Variants in AGBL1 observed in about 807,000 individuals in gnomAD.
The protein encoded by AGBL1 is cytosolic carboxypeptidase 4.
A neutral mutation model predicts 118.9 loss-of-function variants in AGBL1; 130 were observed. The observed-to-expected ratio is 1.09, with a 90% CI of 0.95 to 1.26. The LOEUF is 1.26. Among genes scored for constraint, AGBL1 ranks in the 50% most tolerant of loss-of-function variants. AGBL1 has a pLI of 0.00. For missense variants in AGBL1, 1,584 were observed against 1,298.1 expected (o/e 1.22, Z -3.38); for synonymous variants, 555 against 478.9 (o/e 1.16, Z -2.08).
intron 22 of AGBL1, among the ~76,000 whole-genome samples, chr15:86,829,935 A>C (rs2079080581): frequency 6.6e-6 from 1 of 152,094 alleles, no homozygotes; most frequent in East Asian, 1.9e-4. Context: ...CTTTTATTGC[A>C]ATAGCCAAGA....
chr15:86,375,258 A>G (rs1477723962), intron 17 of AGBL1, among the ~76,000 whole-genome samples: 1 of 152,200 alleles, frequency 6.6e-6, no homozygotes, highest in Non-Finnish European at 1.5e-5. Context: ...GCAAGGCCTC[A>G]GGACACTTAC....
chr15:86,290,439 C>T (rs1597687994), intron 16 of AGBL1, among the ~76,000 whole-genome samples: 1 of 151,020 alleles, frequency 6.6e-6, no homozygotes, highest in East Asian at 2.0e-4. Flanking sequence ...CAGCCTTGAC[C>T]TCCCAGGCTC....
At chr15:86,425,409 G>A (rs971012881) in intron 18 of AGBL1, among the ~76,000 whole-genome samples, 1 of 152,090 alleles carries the variant, frequency 6.6e-6, no homozygotes, top group Non-Finnish European at 1.5e-5. Flanking sequence ...GGCTAGGGGA[G>A]GGATAGCATT....
intron 22 of AGBL1, among the ~76,000 whole-genome samples, chr15:86,717,712 C>T (rs1162381802): frequency 6.6e-6 from 1 of 151,884 alleles, no homozygotes; most frequent in Non-Finnish European, 1.5e-5. Context: ...GTTTTTTGCC[C>T]CATTGATACC....
rs143889803 is a variant in AGBL1 at position 86,209,295 on chromosome 15, G to T, written c.489-15619G>T. On this transcript the variant is annotated intron_variant, in intron 5 of 22. Coordinates refer to ENST00000614907, the MANE Select transcript of AGBL1 (RefSeq NM_001386094.1). ...TGCTGAGAAAAATGTATATTTTGTT[G>T]ACTTGGGGTGGAGAGTTCTGTAGAT... Among the ~76,000 whole-genome samples, 725 of 152,278 alleles carry T rather than the reference G, an allele frequency of 4.8e-3. 6 individuals are homozygous for T. Among genetic ancestry groups the T allele is most frequent in the Admixed American group, 0.011 (162 of 15,296 alleles).
Position 86,611,879 on chromosome 15 carries a change from A to T in AGBL1, c.2994+57342A>T, listed in dbSNP as rs188331220. The stretch of plus-strand genomic sequence containing the variant: ...CAACAGAACCACAAGACTGCCAAGA[A>T]AGTTAATTTGATCTTACCCTGCATG... On this transcript the variant is annotated intron_variant, in intron 21 of 22. Transcript: ENST00000614907. Among the ~76,000 whole-genome samples the T allele has an allele frequency of 2.6e-5, 4 of 152,304 alleles. No individual in the cohort carries two copies. In the East Asian group the frequency reaches 7.7e-4, roughly 29 times the overall value.
At chr15:86,347,693 C>G (rs1282927881) in intron 17 of AGBL1, among the ~76,000 whole-genome samples, 2 of 152,058 alleles carry the variant, frequency 1.3e-5, no homozygotes, top group Non-Finnish European at 2.9e-5. Context: ...TCCATCTGAC[C>G]CTTTTCCTCT....
chr15:86,576,695 A>G (rs1304751622), intron 21 of AGBL1, among the ~76,000 whole-genome samples: 1 of 152,150 alleles, frequency 6.6e-6, no homozygotes, highest in Non-Finnish European at 1.5e-5. Context: ...TGTGGGAGGG[A>G]CTTGATAGAA....
At chr15:86,110,610 G>T (rs1015479248) in intron 1 of AGBL1, among the ~76,000 whole-genome samples, 1 of 152,080 alleles carries the variant, frequency 6.6e-6, no homozygotes, top group East Asian at 1.9e-4. Context: ...TACCCATGCT[G>T]TCCAAGGGCC....
intron 24 of AGBL1, among the ~76,000 whole-genome samples, chr15:87,000,079 GT>G (rs1440057475): frequency 1.1e-5 from 1 of 88,368 alleles, no homozygotes; most frequent in South Asian, 4.8e-4. Flanking sequence ...GGGTTGTTTG[GT>G]TTTTTCTTGT....
intron 18 of AGBL1, among the ~76,000 whole-genome samples, chr15:86,485,221 C>T (rs1433339701): frequency 2.0e-5 from 3 of 152,120 alleles, no homozygotes; most frequent in Admixed American, 2.0e-4. Context: ...TCTCAGGCCT[C>T]GTGCCAAACC....
At chr15:86,273,098 A>G (rs2079187537) in intron 15 of AGBL1, among the ~76,000 whole-genome samples, 1 of 152,248 alleles carries the variant, frequency 6.6e-6, no homozygotes, top group African/African-American at 2.4e-5. Context: ...TGGACCTGAA[A>G]GTTAGTAACA....
chr15:86,080,528 G>A (rs1895197508), intron 1 of AGBL1, among the ~76,000 whole-genome samples: 1 of 152,216 alleles, frequency 6.6e-6, no homozygotes. Flanking sequence ...TTCCCAGGCA[G>A]GATCTGACTA....
In AGBL1 at chr15:87,007,616, G is replaced by T. The variant is rs562438200; in HGVS notation, c.3323+19528G>T. 2.0e-5 allele frequency among the ~76,000 whole-genome samples: 3 copies of T among 152,286 alleles called. No homozygotes were observed. The East Asian group carries it at 5.8e-4, about 29-fold the overall frequency. ...TAGTTGAGAGATAACTATATAAGAA[G>T]TTGGGAGGGAAAATATAAAGGATAA... is the stretch of plus-strand genomic sequence containing the variant. On this transcript the variant is annotated intron_variant, in intron 24 of 24. Transcript: ENST00000441037.
intron 23 of AGBL1, among the ~76,000 whole-genome samples, chr15:86,931,500 A>G (rs887670341): frequency 6.6e-6 from 1 of 151,768 alleles, no homozygotes; most frequent in East Asian, 1.9e-4. Flanking sequence ...AACAATAGGA[A>G]TCTACATAAA....
intron 22 of AGBL1, among the ~76,000 whole-genome samples, chr15:86,774,198 T>C (rs1197082227): frequency 6.6e-6 from 1 of 152,100 alleles, no homozygotes; most frequent in Non-Finnish European, 1.5e-5. Flanking sequence ...ATTGTGCCCC[T>C]GTTTTTCCCT....
chr15:86,811,541 C>A (rs778635894), intron 22 of AGBL1, among the ~76,000 whole-genome samples: 1 of 152,106 alleles, frequency 6.6e-6, no homozygotes, highest in Non-Finnish European at 1.5e-5. Flanking sequence ...CTCTTCCTGG[C>A]CCTGTGTAAA....
intron 5 of AGBL1, among the ~76,000 whole-genome samples, chr15:86,197,578 C>A (rs1053686814): frequency 6.6e-6 from 1 of 152,114 alleles, no homozygotes; most frequent in Non-Finnish European, 1.5e-5. Context: ...TATGTTCTTC[C>A]TGAATGCTTA....
Position 86,477,638 on chromosome 15 carries a change from A to G in AGBL1, c.2556-45172A>G, listed in dbSNP as rs567050718. The stretch of plus-strand genomic sequence containing the variant: ...TCAGGACCAGATGTATTCACAGCCA[A>G]ATTCTACCAGAGGTACAACGAGGAG... On this transcript the variant is annotated intron_variant, in intron 18 of 22. Transcript: ENST00000614907. Among the ~76,000 whole-genome samples, 43 of 152,306 alleles carry G rather than the reference A, an allele frequency of 2.8e-4. No homozygotes were observed. The South Asian group carries it at 7.7e-3, about 27-fold the overall frequency.
Sources: allele counts gnomAD v4.1 joint callset (sites outside exome capture counted in the v4.1 genomes callset), GRCh38; gene constraint gnomAD v4.1.1; transcripts MANE v1.5; gene names NCBI Gene and HGNC (gene_info 2026-07-23, HGNC 2026-07-21).